TIAM1: variants seen among roughly 807,000 people sequenced by gnomAD.
TIAM1 encodes rho guanine nucleotide exchange factor TIAM1.
In TIAM1, 65 loss-of-function variants were observed where a neutral mutation model predicts 163.5. The observed-to-expected ratio is 0.40, with a 90% CI of 0.33 to 0.49. The LOEUF is 0.49. Ranked by LOEUF, TIAM1 falls within the 20% of genes least tolerant of loss-of-function variation. The pLI is 0.77. For synonymous variants in TIAM1, 833 were observed against 810.1 expected, an observed-to-expected ratio of 1.03 and a Z score of -0.48; for missense variants, 1,789 against 2,044.7, an observed-to-expected ratio of 0.87 and a Z score of 2.41.
At chr21:31,325,105 C>A (rs2075440775) in intron 2 of TIAM1, among the ~76,000 whole-genome samples, 1 of 148,216 alleles carries the variant, frequency 6.7e-6, no homozygotes, top group Admixed American at 6.8e-5. Context: ...CATGGCAAGA[C>A]CCCATCTCTA....
At chr21:31,161,833 T>G (rs1348541079) in intron 16 of TIAM1, among the ~76,000 whole-genome samples, 1 of 152,210 alleles carries the variant, frequency 6.6e-6, no homozygotes, top group Non-Finnish European at 1.5e-5. Context: ...ATTTTCAGCT[T>G]ATTCTCAAGA....
At chr21:31,328,229 G>A (rs955540490) in intron 2 of TIAM1, among the ~76,000 whole-genome samples, 2 of 151,992 alleles carry the variant, frequency 1.3e-5, no homozygotes, top group Non-Finnish European at 2.9e-5. Flanking sequence ...CTTCCCACAT[G>A]GTACATGTTG....
At chr21:31,181,756 CTTTTTTTTTTTTTTTTTTT>C (rs781153297) in intron 15 of TIAM1, among the ~76,000 whole-genome samples, 423 of 41,330 alleles carry the variant, frequency 0.01, 43 homozygotes, top group African/African-American at 0.024. Flanking sequence ...TCTTCTTCTT[CTTTTTTTTTTTTTTTTTTT>C]TTTTTTTTTT....
intron 2 of TIAM1, among the ~76,000 whole-genome samples, chr21:31,301,001 A>G (rs80248079): frequency 6.6e-6 from 1 of 152,374 alleles, no homozygotes; most frequent in African/African-American, 2.4e-5. Flanking sequence ...CATGGCTTAT[A>G]GTAGACAACC....
intron 1 of TIAM1, among the ~76,000 whole-genome samples, chr21:31,545,968 A>G (rs2048472288): frequency 6.6e-6 from 1 of 152,222 alleles, no homozygotes; most frequent in Admixed American, 6.5e-5. Flanking sequence ...TGATTATACA[A>G]GTAACTACTA....
chr21:31,327,210 G>A (rs1202982880), intron 2 of TIAM1, among the ~76,000 whole-genome samples: 1 of 152,186 alleles, frequency 6.6e-6, no homozygotes, highest in Non-Finnish European at 1.5e-5. Flanking sequence ...TGTTTGGAAG[G>A]TAAATGAAAC....
At chr21:31,468,788 C>G (rs1395543525) in intron 1 of TIAM1, among the ~76,000 whole-genome samples, 1 of 151,938 alleles carries the variant, frequency 6.6e-6, no homozygotes, top group Non-Finnish European at 1.5e-5. Context: ...AAAAAACGAA[C>G]CTAGAAGGGC....
chr21:31,120,419 C>G lies in TIAM1; in HGVS notation c.4725G>C (p.Trp1575Cys), dbSNP rs1272368682. The change falls in exon 28 of 28, where the codon TGG (tryptophan) becomes TGC (cysteine). Residue 1575 changes from tryptophan to cysteine, a missense_variant. Physicochemically the swap from Trp to Cys is radical, Grantham distance 215 (BLOSUM62 -2). Coordinates refer to ENST00000541036, the MANE Select transcript of TIAM1 (RefSeq NM_001353694.2). The surrounding 1 kb of genome is among the most constrained non-coding windows in gnomAD (Gnocchi z 4.2). The part of the protein sequence containing the change: ...GLESASEEVI[W>C]VRREDFAPSR... ...AGGGGGCAAAGTCTTCACGCCTAAC[C>G]CAAATGACTTCCTCGCTTGCGCTCT... is the stretch of plus-strand genomic sequence containing the variant. 1 of 1,614,038 alleles carries G rather than the reference C, an allele frequency of 6.2e-7. No individual in the cohort carries two copies. Among genetic ancestry groups the G allele is most frequent in the Admixed American group, 1.7e-5 (1 of 60,004 alleles).
intron 2 of TIAM1, among the ~76,000 whole-genome samples, chr21:31,409,531 G>T (rs747408227): frequency 6.6e-6 from 1 of 152,026 alleles, no homozygotes; most frequent in Admixed American, 6.5e-5. Context: ...CAGTCACTCC[G>T]CACACCGACT....
intron 1 of TIAM1, among the ~76,000 whole-genome samples, chr21:31,343,144 A>G (rs2147100790): frequency 6.6e-6 from 1 of 152,314 alleles, no homozygotes; most frequent in Non-Finnish European, 1.5e-5. Flanking sequence ...TTACAAAAAA[A>G]CAAAAACCAG....
intron 7 of TIAM1, among the ~76,000 whole-genome samples, chr21:31,225,412 T>C (rs758707539): frequency 6.6e-6 from 1 of 152,122 alleles, no homozygotes; most frequent in Non-Finnish European, 1.5e-5. Context: ...TCTGATAACA[T>C]GGGAAATGAA....
chr21:31,363,610 C>G (rs1569266987), intron 2 of TIAM1, among the ~76,000 whole-genome samples: 1 of 152,014 alleles, frequency 6.6e-6, no homozygotes, highest in Non-Finnish European at 1.5e-5. Context: ...TTGATTAACA[C>G]CCTTGTTTAT....
At position 31,252,195 on chromosome 21, in the gene TIAM1, G is replaced by C; in HGVS notation, c.964-6C>G. On this transcript the variant is annotated splice_polypyrimidine_tract_variant and splice_region_variant and intron_variant, in intron 4 of 27. Coordinates refer to ENST00000541036, the MANE Select transcript of TIAM1 (RefSeq NM_001353694.2). ...CCCTCGCCTGCATTAACATCCTTGG[G>C]AGCAGAAAGAGAGAGCAAAGAAGAC... 6.3e-7 allele frequency: 1 copy of C among 1,598,916 alleles called. No individual in the cohort carries two copies.
intron 15 of TIAM1, among the ~76,000 whole-genome samples, chr21:31,176,850 G>A (rs371192291): frequency 2.6e-5 from 4 of 151,952 alleles, no homozygotes; most frequent in African/African-American, 4.8e-5. Context: ...AGCAACCACC[G>A]GAACAAATGC....
chr21:31,157,539 G>T (rs113739298), intron 16 of TIAM1, among the ~76,000 whole-genome samples: 4 of 151,864 alleles, frequency 2.6e-5, no homozygotes, highest in Non-Finnish European at 1.5e-5. Context: ...CAGGATCATG[G>T]GTGACTGGAG....
intron 1 of TIAM1, among the ~76,000 whole-genome samples, chr21:31,520,027 G>GAC: frequency 6.6e-6 from 1 of 152,276 alleles, no homozygotes; most frequent in East Asian, 1.9e-4. Flanking sequence ...CACTGAACTT[G>GAC]ACACTTTAAA....
At chr21:31,257,873 A>AC (rs1272195487) in intron 4 of TIAM1, among the ~76,000 whole-genome samples, 2 of 151,604 alleles carry the variant, frequency 1.3e-5, no homozygotes, top group East Asian at 3.9e-4. Flanking sequence ...TACCATGCCA[A>AC]CCTCTCCACA....
intron 19 of TIAM1, among the ~76,000 whole-genome samples, chr21:31,152,182 A>G (rs13049011): frequency 0.46 from 70,372 of 151,610 alleles, 17,380 homozygotes; most frequent in African/African-American, 0.64. Flanking sequence ...ACAGGTGCCC[A>G]CCACCATGCC....
chr21:31,514,406 T>C (rs1255038055), intron 1 of TIAM1, among the ~76,000 whole-genome samples: 1 of 151,898 alleles, frequency 6.6e-6, no homozygotes, highest in East Asian at 1.9e-4. Flanking sequence ...AGCTGGAAAG[T>C]TAAAAAAATC....
Sources: gnomAD v4.1 joint callset for allele counts (sites outside exome capture counted in the v4.1 genomes callset) on GRCh38, gnomAD v4.1.1 for gene constraint, Gnocchi (gnomAD v3.1) non-coding constraint, MANE v1.5 for transcripts, NCBI Gene and HGNC (gene_info 2026-07-23, HGNC 2026-07-21) for gene names.